Variants in RBFOX1 observed in about 807,000 individuals in gnomAD.
RBFOX1 encodes the protein RNA binding protein fox-1 homolog 1.
RBFOX1 carries 8 observed loss-of-function variants against 57.7 expected under a neutral mutation model. The observed-to-expected ratio is 0.14, with a 90% CI of 0.08 to 0.25. The LOEUF is 0.25. RBFOX1 is among the 10% of genes least tolerant of loss of function. The pLI is 1.00. For synonymous variants in RBFOX1, 326 were observed against 222.4 expected, an observed-to-expected ratio of 1.47 and a Z score of -4.15; for missense variants, 611 against 548.5, an observed-to-expected ratio of 1.11 and a Z score of -1.14.
intron 2 of RBFOX1, among the ~76,000 whole-genome samples, chr16:6,627,488 A>G (rs921493658): frequency 1.3e-5 from 2 of 152,140 alleles, no homozygotes; most frequent in African/African-American, 4.8e-5. Flanking sequence ...GAATATTGGA[A>G]ACTTGCTCCC....
intron 1 of RBFOX1, among the ~76,000 whole-genome samples, chr16:6,243,144 CTGTG>C (rs370115661): frequency 2.0e-5 from 3 of 147,404 alleles, no homozygotes; most frequent in African/African-American, 5.1e-5. Flanking sequence ...ATACGTGTGT[CTGTG>C]TGTGTGTGTG....
intron 2 of RBFOX1, among the ~76,000 whole-genome samples, chr16:6,582,552 A>G (rs1028945791): frequency 2.6e-5 from 4 of 151,218 alleles, no homozygotes; most frequent in African/African-American, 4.9e-5. Context: ...CCTTGAATCT[A>G]TTAATTCTGG....
chr16:7,591,495 G>C (rs1466563445), intron 7 of RBFOX1, among the ~76,000 whole-genome samples: 4 of 152,174 alleles, frequency 2.6e-5, no homozygotes, highest in Non-Finnish European at 4.4e-5. Flanking sequence ...GGATACAAGA[G>C]GATCAGAATG....
intron 3 of RBFOX1, among the ~76,000 whole-genome samples, chr16:5,715,273 A>G (rs926323685): frequency 1.3e-5 from 2 of 152,198 alleles, no homozygotes; most frequent in South Asian, 4.1e-4. Flanking sequence ...GAGAAGCTCT[A>G]CCTTGTGGAT....
chr16:7,406,211 C>G (rs745445697), intron 4 of RBFOX1, among the ~76,000 whole-genome samples: 10 of 152,188 alleles, frequency 6.6e-5, no homozygotes, highest in Non-Finnish European at 1.3e-4. Context: ...TCATGCCTCA[C>G]CAAGGTAACA....
intron 3 of RBFOX1, among the ~76,000 whole-genome samples, chr16:6,807,731 A>T (rs1679784618): frequency 6.6e-6 from 1 of 152,046 alleles, no homozygotes; most frequent in African/African-American, 2.4e-5. Context: ...CAGAAGAATC[A>T]CTTGAATCCA....
intron 1 of RBFOX1, among the ~76,000 whole-genome samples, chr16:6,252,812 T>C (rs1296113252): frequency 6.6e-6 from 1 of 152,186 alleles, no homozygotes; most frequent in Non-Finnish European, 1.5e-5. Flanking sequence ...CAGTTCCTGA[T>C]AACCACATTC....
chr16:7,366,551 T>C (rs549086836), intron 4 of RBFOX1, among the ~76,000 whole-genome samples: 2 of 152,270 alleles, frequency 1.3e-5, no homozygotes, highest in African/African-American at 4.8e-5. Flanking sequence ...GGTCCAACCA[T>C]GGAGGCTGCC....
chr16:6,247,553 G>T lies in RBFOX1; in HGVS notation c.-126-69442G>T, dbSNP rs990630681. Among the ~76,000 whole-genome samples, 3 of 152,192 alleles carry T rather than the reference G, an allele frequency of 2.0e-5. No homozygotes were observed. In the South Asian group the frequency reaches 6.2e-4, roughly 32 times the overall value. On this transcript the variant is annotated intron_variant, in intron 1 of 15. Coordinates refer to ENST00000550418, the MANE Select transcript of RBFOX1 (RefSeq NM_018723.4). Reference sequence around the variant, plus strand: ...AATATGCATGTTGAATGCTTAGTCTGTATAGCCTGTTGTGCCAAGCTTTGT... The same window carrying T: ...AATATGCATGTTGAATGCTTAGTCTTTATAGCCTGTTGTGCCAAGCTTTGT...
At chr16:6,052,541 T>A (rs573649369) in intron 1 of RBFOX1, among the ~76,000 whole-genome samples, 4 of 152,116 alleles carry the variant, frequency 2.6e-5, no homozygotes, top group African/African-American at 9.6e-5. Flanking sequence ...TCCCAGCACT[T>A]TGGGAGGCCG....
chr16:7,083,430 T>A (rs933624133), intron 4 of RBFOX1, among the ~76,000 whole-genome samples: 1 of 151,914 alleles, frequency 6.6e-6, no homozygotes, highest in South Asian at 2.1e-4. Context: ...GGGGACTCAT[T>A]TAGGCTCACA....
At chr16:6,227,083 C>A (rs1206233149) in intron 1 of RBFOX1, among the ~76,000 whole-genome samples, 4 of 151,866 alleles carry the variant, frequency 2.6e-5, no homozygotes, top group Admixed American at 2.0e-4. Flanking sequence ...GAGATTGTGC[C>A]ACTGAACTCC....
At chr16:5,763,376 C>A (rs1267831404) in intron 3 of RBFOX1, among the ~76,000 whole-genome samples, 1 of 152,182 alleles carries the variant, frequency 6.6e-6, no homozygotes, top group African/African-American at 2.4e-5. Context: ...TCGCTCCCAG[C>A]TACAGCGATG....
chr16:5,756,926 G>C (rs2053418554), intron 3 of RBFOX1, among the ~76,000 whole-genome samples: 1 of 152,134 alleles, frequency 6.6e-6, no homozygotes, highest in African/African-American at 2.4e-5. Flanking sequence ...ATGATGTAAA[G>C]GATAAAGCCC....
chr16:6,223,733 T>C (rs1014710544), intron 1 of RBFOX1, among the ~76,000 whole-genome samples: 7 of 152,248 alleles, frequency 4.6e-5, no homozygotes, highest in African/African-American at 1.7e-4. Flanking sequence ...ATTTTGGCTT[T>C]TGTTGCCATT....
chr16:6,454,455 G>T (rs1040351592), intron 2 of RBFOX1, among the ~76,000 whole-genome samples: 1 of 152,128 alleles, frequency 6.6e-6, no homozygotes, highest in Non-Finnish European at 1.5e-5. Flanking sequence ...TATTTGGGAG[G>T]CTGAGGAGGG....
chr16:7,321,808 C>G (rs1349263884), intron 4 of RBFOX1, among the ~76,000 whole-genome samples: 1 of 152,230 alleles, frequency 6.6e-6, no homozygotes, highest in Non-Finnish European at 1.5e-5. Context: ...GGGTGTCCCA[C>G]AAGGACACTG....
At chr16:5,762,591 C>T (rs1312544443) in intron 3 of RBFOX1, among the ~76,000 whole-genome samples, 2 of 152,138 alleles carry the variant, frequency 1.3e-5, no homozygotes, top group Non-Finnish European at 2.9e-5. Flanking sequence ...GATGTGTTCG[C>T]AAACTTAGCC....
At chr16:7,172,059 C>A (rs967775832) in intron 4 of RBFOX1, among the ~76,000 whole-genome samples, 3 of 145,434 alleles carry the variant, frequency 2.1e-5, no homozygotes, top group Non-Finnish European at 3.0e-5. Flanking sequence ...TGATATTGGG[C>A]AATTTAGAAA....
Sources: gnomAD v4.1 joint callset for allele counts (sites outside exome capture counted in the v4.1 genomes callset) on GRCh38, gnomAD v4.1.1 for gene constraint, MANE v1.5 for transcripts, NCBI Gene and HGNC (gene_info 2026-07-23, HGNC 2026-07-21) for gene names.